Variants in MEGF9 observed in about 807,000 individuals in gnomAD.
MEGF9 encodes multiple EGF like domains 9.
In MEGF9, 6 loss-of-function variants were observed where a neutral mutation model predicts 46.8. The observed-to-expected ratio is 0.13, with a 90% CI of 0.07 to 0.25. The LOEUF is 0.25. Among genes scored for constraint, MEGF9 ranks in the 10% least tolerant of loss-of-function variants. The probability of loss-of-function intolerance (pLI) is 1.00; values close to 1 mark genes in which losing one functional copy is unlikely to be tolerated. For synonymous variants in MEGF9, 302 were observed against 330.7 expected (o/e 0.91, Z 0.94); for missense variants, 683 against 792.4 (o/e 0.86, Z 1.66).
intron 1 of MEGF9, among the ~76,000 whole-genome samples, chr9:120,665,179 C>G (rs752079909): frequency 6.6e-6 from 1 of 151,498 alleles, no homozygotes; most frequent in African/African-American, 2.4e-5. Context: ...TCTCACCTAC[C>G]CTTCATGGCT....
intron 2 of MEGF9, among the ~76,000 whole-genome samples, chr9:120,636,849 G>T (rs1041533212): frequency 1.2e-4 from 14 of 115,458 alleles, no homozygotes; most frequent in African/African-American, 3.0e-4. Flanking sequence ...CGCCCCGTCT[G>T]GGGGGTGGGG....
At chr9:120,662,081 G>A (rs1207370652) in intron 1 of MEGF9, among the ~76,000 whole-genome samples, 2 of 152,112 alleles carry the variant, frequency 1.3e-5, no homozygotes, top group East Asian at 3.8e-4. Context: ...TGAAAACTGA[G>A]TCAATGTTCC....
chr9:120,674,326 A>G (rs992203514), intron 1 of MEGF9, among the ~76,000 whole-genome samples: 4 of 152,208 alleles, frequency 2.6e-5, no homozygotes, highest in African/African-American at 9.6e-5. Context: ...AAATGGAGAA[A>G]AGATCTAGAA....
At chr9:120,644,154 T>G (rs910045825) in intron 2 of MEGF9, among the ~76,000 whole-genome samples, 2 of 152,240 alleles carry the variant, frequency 1.3e-5, no homozygotes, top group Non-Finnish European at 2.9e-5. Context: ...CAATCTAGGA[T>G]ATTGTCTCGC....
rs561252148 is a variant in MEGF9, at chr9:120,678,701, T to C, written c.602-19126A>G. 5.3e-5 allele frequency among the ~76,000 whole-genome samples: 8 copies of C among 152,334 alleles called. No individual in the cohort carries two copies. In the East Asian group the frequency reaches 1.2e-3, roughly 22 times the overall value. On this transcript the variant is annotated intron_variant, in intron 1 of 5. Coordinates refer to ENST00000373930, the MANE Select transcript of MEGF9 (RefSeq NM_001080497.3). ...GTTGGCCATGCTGGTCTCGAACTCC[T>C]GGCCTGAAGTGATCCACCTGCCTCG...
chr9:120,672,735 T>C (rs2043755567), intron 1 of MEGF9, among the ~76,000 whole-genome samples: 1 of 152,132 alleles, frequency 6.6e-6, no homozygotes, highest in South Asian at 2.1e-4. Flanking sequence ...ATTAATAAGG[T>C]TGCAAGGGCT....
chr9:120,658,991 C>T (rs2043689657), intron 2 of MEGF9, among the ~76,000 whole-genome samples: 1 of 152,114 alleles, frequency 6.6e-6, no homozygotes, highest in Admixed American at 6.5e-5. Context: ...ATAAACCAAA[C>T]AACAAATTTC....
chr9:120,694,620 C>G (rs1036909020), intron 1 of MEGF9, among the ~76,000 whole-genome samples: 1 of 152,174 alleles, frequency 6.6e-6, no homozygotes, highest in Non-Finnish European at 1.5e-5. Flanking sequence ...GCCCAACAGC[C>G]TTTTCTTCCC....
intron 1 of MEGF9, among the ~76,000 whole-genome samples, chr9:120,704,454 C>A (rs1331214973): frequency 2.0e-5 from 3 of 152,168 alleles, no homozygotes; most frequent in African/African-American, 7.2e-5. Context: ...CAACATTCAG[C>A]CCTGTATAGT....
chr9:120,660,065 G>A (rs1319325430), intron 1 of MEGF9, among the ~76,000 whole-genome samples: 1 of 151,528 alleles, frequency 6.6e-6, no homozygotes, highest in African/African-American at 2.4e-5. Flanking sequence ...AAACTTTAAA[G>A]TAAGGAAATG....
chr9:120,677,561 T>C (rs1017794320), intron 1 of MEGF9, among the ~76,000 whole-genome samples: 5 of 152,220 alleles, frequency 3.3e-5, no homozygotes, highest in African/African-American at 1.2e-4. Flanking sequence ...CTTGCATTTG[T>C]TTTCAGCTGG....
intron 2 of MEGF9, among the ~76,000 whole-genome samples, chr9:120,643,226 G>GA (rs560897677): frequency 9.0e-4 from 130 of 144,128 alleles, no homozygotes; most frequent in African/African-American, 1.6e-3. Context: ...TTCTTGCTAT[G>GA]AAAAAAAAAA....
intron 1 of MEGF9, among the ~76,000 whole-genome samples, chr9:120,664,148 C>T (rs913635675): frequency 6.6e-6 from 1 of 151,928 alleles, no homozygotes; most frequent in Non-Finnish European, 1.5e-5. Flanking sequence ...AACATTTGCT[C>T]TGGTAAGAGA....
intron 2 of MEGF9, among the ~76,000 whole-genome samples, chr9:120,628,480 T>TTG (rs2043536582): frequency 7.0e-6 from 1 of 141,854 alleles, no homozygotes; most frequent in South Asian, 2.3e-4. Context: ...TTTTTTTTTT[T>TTG]TTTTTTTTTT....
chr9:120,667,809 G>A (rs571659663), intron 1 of MEGF9, among the ~76,000 whole-genome samples: 59 of 152,256 alleles, frequency 3.9e-4, no homozygotes, highest in Non-Finnish European at 5.0e-4. Context: ...GCAGATCACC[G>A]GAGGTCAGGA....
Position 120,602,951 on chromosome 9 carries a change from C to T in MEGF9, c.*2239G>A, listed in dbSNP as rs1029750827. ...CAGTTTTGTTTTCTAATCACTAATA[C>T]TAACTTCAGTTAGTAAATCTTCTTG... On this transcript the variant is annotated 3_prime_UTR_variant, in exon 6 of 6. Transcript: ENST00000373930. 2.0e-5 allele frequency: 3 copies of T among 152,090 alleles called. No homozygotes were observed. Among genetic ancestry groups the T allele is most frequent in the Non-Finnish European group, 2.9e-5 (2 of 68,016 alleles). The allele number at this position is 152,090 out of a possible 1,614,324, so 9.4% of individuals were successfully genotyped here.
chr9:120,662,195 T>G (rs955350545), intron 1 of MEGF9, among the ~76,000 whole-genome samples: 2 of 152,216 alleles, frequency 1.3e-5, no homozygotes, highest in Non-Finnish European at 2.9e-5. Context: ...TGGATAAACT[T>G]TCAATACTAA....
intron 1 of MEGF9, among the ~76,000 whole-genome samples, chr9:120,689,641 A>G (rs907286640): frequency 2.6e-5 from 4 of 152,128 alleles, no homozygotes; most frequent in African/African-American, 7.2e-5. Context: ...TTACCTGTGC[A>G]CCAGATGGTA....
chr9:120,636,814 TG>T (rs1014026329), intron 2 of MEGF9, among the ~76,000 whole-genome samples: 3 of 148,670 alleles, frequency 2.0e-5, no homozygotes, highest in Admixed American at 6.7e-5. Flanking sequence ...GTCTGGGAGG[TG>T]GGGGGGCGCC....
Sources: gnomAD v4.1 joint callset for allele counts (sites outside exome capture counted in the v4.1 genomes callset) on GRCh38, gnomAD v4.1.1 for gene constraint, MANE v1.5 for transcripts, NCBI Gene and HGNC (gene_info 2026-07-23, HGNC 2026-07-21) for gene names.